Variants in MBD5 observed in about 807,000 individuals in gnomAD.
The protein encoded by MBD5 is methyl-CpG binding domain protein 5.
Under a neutral mutation model 117.3 loss-of-function variants are expected in MBD5, and 13 were observed. The observed-to-expected ratio is 0.11, with a 90% CI of 0.07 to 0.18. MBD5 has a LOEUF of 0.18. Among genes scored for constraint, MBD5 ranks in the 10% least tolerant of loss-of-function variants. The pLI, the probability that MBD5 is intolerant of heterozygous loss-of-function variation, is 1.00. For synonymous variants in MBD5, 727 were observed against 766.4 expected (o/e 0.95, Z 0.85); for missense variants, 1,879 against 2,093.8 (o/e 0.90, Z 2.00).
At chr2:148,366,649 G>A (rs1286121316) in intron 4 of MBD5, among the ~76,000 whole-genome samples, 4 of 152,146 alleles carry the variant, frequency 2.6e-5, no homozygotes, top group Non-Finnish European at 5.9e-5. Flanking sequence ...CAAAATCAAT[G>A]TGCAAAAATC....
rs12465493 is a variant in MBD5, at chr2:148,396,935, G to A, written c.-557+54599G>A. Among the ~76,000 whole-genome samples, 1,509 of 151,838 alleles carry A rather than the reference G, an allele frequency of 9.9e-3. 27 individuals carry two copies. The highest frequency in any genetic ancestry group is 0.035 in the African/African-American group (1,437 of 41,442). On this transcript the variant is annotated intron_variant, in intron 4 of 13. Transcript: ENST00000642680. ...TTTTCTGCAAATTACACTTTTGAGC[G>A]TACTGTCTTTTTTTCTACCAGGACC...
intron 4 of MBD5, among the ~76,000 whole-genome samples, chr2:148,441,170 A>G (rs943255497): frequency 1.3e-5 from 2 of 151,978 alleles, no homozygotes; most frequent in Non-Finnish European, 2.9e-5. Context: ...TTTGTTACAT[A>G]TGTATACATG....
At chr2:148,139,339 T>C (rs547212706) in intron 1 of MBD5, among the ~76,000 whole-genome samples, 58 of 152,294 alleles carry the variant, frequency 3.8e-4, no homozygotes, top group Non-Finnish European at 7.8e-4. Flanking sequence ...CCCGAGTAGC[T>C]GGGATTACAG....
intron 1 of MBD5, among the ~76,000 whole-genome samples, chr2:148,050,528 C>CT (rs1694667309): frequency 6.6e-6 from 1 of 152,030 alleles, no homozygotes; most frequent in South Asian, 2.1e-4. Context: ...TTTTCACTCT[C>CT]TATAATGTCA....
intron 1 of MBD5, among the ~76,000 whole-genome samples, chr2:148,133,436 CTT>C (rs1199670104): frequency 6.6e-6 from 1 of 152,146 alleles, no homozygotes; most frequent in African/African-American, 2.4e-5. Flanking sequence ...TTTGTGTAAA[CTT>C]TGCAAATTTG....
chr2:148,141,440 A>T (rs553396456), intron 1 of MBD5, among the ~76,000 whole-genome samples: 1 of 152,324 alleles, frequency 6.6e-6, no homozygotes, highest in Admixed American at 6.5e-5. Flanking sequence ...ATGTCCAACA[A>T]TTCATTCCAA....
chr2:148,226,239 A>G (rs899467337), intron 2 of MBD5, among the ~76,000 whole-genome samples: 1 of 151,738 alleles, frequency 6.6e-6, no homozygotes, highest in African/African-American at 2.4e-5. Context: ...CATTAGGTAT[A>G]TCTCCTAATG....
At chr2:148,160,817 T>TC (rs1043749570) in intron 1 of MBD5, among the ~76,000 whole-genome samples, 1 of 152,218 alleles carries the variant, frequency 6.6e-6, no homozygotes, top group African/African-American at 2.4e-5. Context: ...TAATAATCCT[T>TC]CCCTCCTTTT....
chr2:148,455,265 A>C (rs1706848047), intron 4 of MBD5, among the ~76,000 whole-genome samples: 2 of 152,242 alleles, frequency 1.3e-5, no homozygotes, highest in South Asian at 2.1e-4. Context: ...AGTAGCAGCA[A>C]AAAAGGGATG....
chr2:148,223,825 T>G (rs1282983188), intron 2 of MBD5, among the ~76,000 whole-genome samples: 1 of 152,202 alleles, frequency 6.6e-6, no homozygotes, highest in Non-Finnish European at 1.5e-5. Context: ...GTTGTCTATT[T>G]GAAGTTTTTC....
intron 12 of MBD5, 77 bp from the exon 13 acceptor site, chr2:148,509,983 G>C: frequency 1.7e-6 from 2 of 1,203,786 alleles, no homozygotes; most frequent in Non-Finnish European, 2.4e-6. Context: ...TGGTACTTTT[G>C]TTTTCTGATT....
intron 1 of MBD5, among the ~76,000 whole-genome samples, chr2:148,165,485 AAT>A (rs1038677295): frequency 1.3e-5 from 2 of 151,974 alleles, no homozygotes; most frequent in African/African-American, 4.8e-5. Context: ...TTCTGAAGTG[AAT>A]ATTTAATTTT....
intron 1 of MBD5, among the ~76,000 whole-genome samples, chr2:148,096,673 C>T (rs941894401): frequency 6.6e-6 from 1 of 152,082 alleles, no homozygotes; most frequent in African/African-American, 2.4e-5. Context: ...TCATTAAAAT[C>T]AGTGCTATGT....
rs752983436 is a variant in MBD5 at position 148,490,585 on chromosome 2, G to A, written c.4953G>A (p.Glu1651=). 1.2e-6 allele frequency: 2 copies of A among 1,614,166 alleles called. No individual in the cohort carries two copies. Among genetic ancestry groups the A allele is most frequent in the Non-Finnish European group, 1.7e-6 (2 of 1,180,032 alleles). The stretch of plus-strand genomic sequence containing the variant: ...ACAATTCATGTCAACAAAGCCCCGA[G>A]GAAGGGAAGGTATACCAATCTTTAT... ...DVHNSCQQSP[E]EGKVEPEKLK... The change falls in exon 11 of 14, where the codon GAG becomes GAA. Residue 1651 remains glutamate, a synonymous_variant. Transcript: ENST00000642680.
intron 2 of MBD5, among the ~76,000 whole-genome samples, chr2:148,218,108 G>C (rs1558977043): frequency 6.6e-6 from 1 of 152,156 alleles, no homozygotes; most frequent in Non-Finnish European, 1.5e-5. Context: ...CCAGTATAGT[G>C]TAGTGGCAAT....
At chr2:148,298,970 A>T (rs773024233) in intron 3 of MBD5, among the ~76,000 whole-genome samples, 2 of 152,068 alleles carry the variant, frequency 1.3e-5, no homozygotes, top group African/African-American at 2.4e-5. Context: ...CCAGTGTGAC[A>T]AAGCAAGGAT....
chr2:148,312,680 G>C (rs1011671322), intron 3 of MBD5, among the ~76,000 whole-genome samples: 4 of 152,148 alleles, frequency 2.6e-5, no homozygotes, highest in African/African-American at 7.2e-5. Flanking sequence ...TCTCTGTCCA[G>C]TTTTGTTCCC....
chr2:148,503,229 A>C (rs562293209), intron 12 of MBD5, among the ~76,000 whole-genome samples: 2 of 152,322 alleles, frequency 1.3e-5, no homozygotes, highest in Admixed American at 6.5e-5. Flanking sequence ...ATGCCTGTTC[A>C]GTTGCCATAC....
chr2:148,317,161 C>T (rs1245328269), intron 3 of MBD5, among the ~76,000 whole-genome samples: 4 of 152,010 alleles, frequency 2.6e-5, no homozygotes, highest in African/African-American at 7.3e-5. Context: ...CCAGCCTGAC[C>T]AATATGGAGA....
Sources: allele counts gnomAD v4.1 joint callset (sites outside exome capture counted in the v4.1 genomes callset), GRCh38; gene constraint gnomAD v4.1.1; transcripts MANE v1.5; gene names NCBI Gene and HGNC (gene_info 2026-07-23, HGNC 2026-07-21).